CSMD1: variants seen among roughly 807,000 people sequenced by gnomAD.
CSMD1 encodes the protein CUB and sushi domain-containing protein 1.
CSMD1 carries 213 observed loss-of-function variants against 417.5 expected under a neutral mutation model. The observed-to-expected ratio is 0.51, with a 90% CI of 0.46 to 0.57. The LOEUF (loss-of-function observed/expected upper bound fraction) is 0.57. Among genes scored for constraint, CSMD1 ranks in the 20% least tolerant of loss-of-function variants. CSMD1 has a pLI of 0.00. For synonymous variants in CSMD1, 2,862 were observed against 1,736.8 expected, an observed-to-expected ratio of 1.65 and a Z score of -16.11; for missense variants, 6,923 against 4,529.7, an observed-to-expected ratio of 1.53 and a Z score of -15.17.
At chr8:4,062,479 CAAAT>C (rs1019637653) in intron 3 of CSMD1, among the ~76,000 whole-genome samples, 14 of 152,174 alleles carry the variant, frequency 9.2e-5, no homozygotes, top group African/African-American at 4.8e-5. Context: ...AAATGCACTA[CAAAT>C]AAATAAACAA....
chr8:4,284,714 G>T (rs150468201), intron 3 of CSMD1, among the ~76,000 whole-genome samples: 14 of 152,106 alleles, frequency 9.2e-5, no homozygotes, highest in Admixed American at 2.6e-4. Flanking sequence ...GGATTTCTAC[G>T]ACTCCCAGGA....
At chr8:4,393,735 A>G (rs1368987280) in intron 3 of CSMD1, among the ~76,000 whole-genome samples, 2 of 152,182 alleles carry the variant, frequency 1.3e-5, no homozygotes, top group East Asian at 3.8e-4. Context: ...TCTCTGATCC[A>G]TTTGCCTTCA....
intron 1 of CSMD1, among the ~76,000 whole-genome samples, chr8:4,835,859 C>G (rs140010746): frequency 1.3e-5 from 2 of 151,780 alleles, no homozygotes; most frequent in South Asian, 2.1e-4. Context: ...ACTATGGTCA[C>G]TAAGTGTTGG....
rs544197806 is a variant in CSMD1, at chr8:3,982,255, G to A, written c.818+15648C>T. Among the ~76,000 whole-genome samples, 10 of 151,014 alleles carry A rather than the reference G, an allele frequency of 6.6e-5. No homozygotes were observed. In the South Asian group the frequency reaches 1.0e-3, roughly 16 times the overall value. On this transcript the variant is annotated intron_variant, in intron 5 of 69. Coordinates refer to ENST00000635120, the MANE Select transcript of CSMD1 (RefSeq NM_033225.6). ...AACTACAATCTGAGCTAAAACTTAA[G>A]AATGCTGGGATTTAAATCCTGGTCT... is the stretch of plus-strand genomic sequence containing the variant.
chr8:4,745,306 T>G (rs1810881147), intron 1 of CSMD1, among the ~76,000 whole-genome samples: 1 of 152,198 alleles, frequency 6.6e-6, no homozygotes, highest in Non-Finnish European at 1.5e-5. Flanking sequence ...GCCTAATGGA[T>G]TACACTCTGG....
intron 3 of CSMD1, among the ~76,000 whole-genome samples, chr8:4,307,942 G>C (rs140203830): frequency 2.6e-5 from 4 of 152,228 alleles, no homozygotes; most frequent in Non-Finnish European, 4.4e-5. Flanking sequence ...AAGGGTCTTC[G>C]GTGTAACAGA....
At chr8:3,200,643 C>T (rs1394643718) in intron 32 of CSMD1, among the ~76,000 whole-genome samples, 2 of 151,596 alleles carry the variant, frequency 1.3e-5, no homozygotes, top group African/African-American at 2.4e-5. Context: ...CTGTGTCAAG[C>T]AGTGGTGGGA....
chr8:3,170,569 C>T (rs912026628), intron 37 of CSMD1, among the ~76,000 whole-genome samples: 4 of 152,218 alleles, frequency 2.6e-5, no homozygotes, highest in African/African-American at 9.6e-5. Context: ...ACAGAATATA[C>T]TGCATTTTAA....
intron 3 of CSMD1, among the ~76,000 whole-genome samples, chr8:4,404,592 A>G (rs1804881223): frequency 6.6e-6 from 1 of 152,160 alleles, no homozygotes; most frequent in Non-Finnish European, 1.5e-5. Flanking sequence ...TTAGCTAGTA[A>G]TGGCAAAAAT....
At chr8:3,159,398 T>A (rs865822719) in intron 38 of CSMD1, among the ~76,000 whole-genome samples, 2 of 152,150 alleles carry the variant, frequency 1.3e-5, no homozygotes, top group African/African-American at 2.4e-5. Flanking sequence ...TTAAAACAAG[T>A]TGAGAGAAGA....
At chr8:3,982,031 C>T (rs910580690) in intron 5 of CSMD1, among the ~76,000 whole-genome samples, 11 of 151,684 alleles carry the variant, frequency 7.3e-5, no homozygotes, top group African/African-American at 2.7e-4. Context: ...ATTAGCCTGG[C>T]GCGGTGACGG....
At chr8:3,542,896 T>A (rs1300944245) in intron 10 of CSMD1, among the ~76,000 whole-genome samples, 2 of 152,134 alleles carry the variant, frequency 1.3e-5, no homozygotes, top group Non-Finnish European at 2.9e-5. Flanking sequence ...GTGGGGCTCA[T>A]GCGGTGGAGA....
intron 3 of CSMD1, among the ~76,000 whole-genome samples, chr8:4,237,651 G>A (rs904719066): frequency 3.9e-5 from 6 of 151,946 alleles, no homozygotes; most frequent in African/African-American, 1.5e-4. Context: ...TAGTAGCTGA[G>A]ACTGGAGGTG....
intron 5 of CSMD1, among the ~76,000 whole-genome samples, chr8:3,936,238 G>A (rs952596888): frequency 2.0e-5 from 3 of 151,370 alleles, no homozygotes; most frequent in African/African-American, 2.4e-5. Flanking sequence ...AAAGCAGCAA[G>A]TGATGATGGA....
intron 3 of CSMD1, among the ~76,000 whole-genome samples, chr8:4,320,490 T>C (rs560874468): frequency 2.3e-3 from 351 of 152,266 alleles, no homozygotes; most frequent in African/African-American, 7.8e-3. Context: ...ATATTTTTCC[T>C]AATGCTATTC....
rs147460698 is a variant in CSMD1 at position 3,590,640 on chromosome 8, G to C, written c.1098-4380C>G. On this transcript the variant is annotated intron_variant, in intron 8 of 69. Transcript: ENST00000635120. The stretch of plus-strand genomic sequence containing the variant: ...AAATTATCGGAAAAAGCCATCAATA[G>C]AATATGGAAGCTTCTCTAATTTCAA... 3.2e-3 allele frequency among the ~76,000 whole-genome samples: 484 copies of C among 152,226 alleles called. 4 individuals carry two copies. The highest frequency in any genetic ancestry group is 0.011 in the African/African-American group (463 of 41,558).
In CSMD1 at chr8:4,064,258, T is replaced by A. The variant is rs1799128675; in HGVS notation, c.416-32159A>T. Among the ~76,000 whole-genome samples, 2 of 152,238 alleles carry A rather than the reference T, an allele frequency of 1.3e-5. 1 individual carries two copies. Among genetic ancestry groups the A allele is most frequent in the South Asian group, 4.1e-4 (2 of 4,832 alleles). On this transcript the variant is annotated intron_variant, in intron 3 of 69. Transcript: ENST00000635120. ...CATTCGCTGATGGAAATACTTGACGTCAGTCTTCCCTTTTTTATCGTACCA... is the reference window on the plus strand; with the variant it reads ...CATTCGCTGATGGAAATACTTGACGACAGTCTTCCCTTTTTTATCGTACCA...
chr8:3,111,244 G>T (rs1056954985), intron 42 of CSMD1, among the ~76,000 whole-genome samples: 1 of 152,166 alleles, frequency 6.6e-6, no homozygotes. Flanking sequence ...AGTAACAAAT[G>T]AGAATATACC....
chr8:4,627,159 T>C (rs1802165432), intron 2 of CSMD1, among the ~76,000 whole-genome samples: 1 of 152,188 alleles, frequency 6.6e-6, no homozygotes, highest in South Asian at 2.1e-4. Context: ...CGATGAAAAC[T>C]CACTTGTTTA....
Sources: allele counts gnomAD v4.1 joint callset (sites outside exome capture counted in the v4.1 genomes callset), GRCh38; gene constraint gnomAD v4.1.1; transcripts MANE v1.5; gene names NCBI Gene and HGNC (gene_info 2026-07-23, HGNC 2026-07-21).